Variants in PALLD observed in about 807,000 individuals in gnomAD.
PALLD encodes palladin.
In PALLD, 61 loss-of-function variants were observed where a neutral mutation model predicts 123.5. The ratio of observed to expected loss-of-function variants is 0.49; its 90% CI spans 0.40 to 0.61. The LOEUF is 0.61. PALLD is among the 20% of genes least tolerant of loss of function. The pLI, the probability that PALLD is intolerant of heterozygous loss-of-function variation, is 0.00. For missense variants in PALLD, 1,273 were observed against 1,377.0 expected, an observed-to-expected ratio of 0.92 and a Z score of 1.20; for synonymous variants, 465 against 496.4, an observed-to-expected ratio of 0.94 and a Z score of 0.84.
intron 8 of PALLD, among the ~76,000 whole-genome samples, chr4:168,691,816 G>C (rs1054767404): frequency 2.0e-5 from 3 of 152,096 alleles, no homozygotes; most frequent in Non-Finnish European, 2.9e-5. Flanking sequence ...CTTGCCCCCA[G>C]ATCACTCTTA....
chr4:168,862,499 T>C (rs1417759179), intron 10 of PALLD, among the ~76,000 whole-genome samples: 1 of 152,220 alleles, frequency 6.6e-6, no homozygotes, highest in African/African-American at 2.4e-5. Flanking sequence ...ACAGTCATTG[T>C]GCTTTAATTC....
chr4:168,730,953 A>G (rs1466725850), intron 10 of PALLD, among the ~76,000 whole-genome samples: 1 of 152,130 alleles, frequency 6.6e-6, no homozygotes, highest in Admixed American at 6.5e-5. Flanking sequence ...TCTGTATTCT[A>G]GAGTAGTAGA....
At chr4:168,859,696 T>G (rs1030165934) in intron 10 of PALLD, among the ~76,000 whole-genome samples, 6 of 152,114 alleles carry the variant, frequency 3.9e-5, no homozygotes, top group Non-Finnish European at 8.8e-5. Context: ...GAACCTCTAG[T>G]AGGACAAACA....
chr4:168,632,931 G>A (rs1775978509), intron 2 of PALLD, among the ~76,000 whole-genome samples: 2 of 152,182 alleles, frequency 1.3e-5, no homozygotes, highest in African/African-American at 4.8e-5. Flanking sequence ...TACTGACAAG[G>A]AAAGGGGTGA....
At chr4:168,702,871 T>C (rs1292723748) in intron 8 of PALLD, among the ~76,000 whole-genome samples, 1 of 143,604 alleles carries the variant, frequency 7.0e-6, no homozygotes, top group Non-Finnish European at 1.5e-5. Flanking sequence ...AACTTTGTTT[T>C]TATTTTATTT....
intron 2 of PALLD, among the ~76,000 whole-genome samples, chr4:168,621,281 G>A (rs943876839): frequency 1.3e-5 from 2 of 152,044 alleles, no homozygotes; most frequent in African/African-American, 2.4e-5. Flanking sequence ...ATTATATTAC[G>A]CAAAACTTCT....
intron 2 of PALLD, among the ~76,000 whole-genome samples, chr4:168,657,913 C>T (rs1778740378): frequency 6.6e-6 from 1 of 152,258 alleles, no homozygotes; most frequent in Middle Eastern, 3.4e-3. Context: ...CCACCTCAAA[C>T]CTGCCTATAA....
chr4:168,521,764 GCTTTTGAC>G (rs1763589891), intron 2 of PALLD, among the ~76,000 whole-genome samples: 1 of 152,146 alleles, frequency 6.6e-6, no homozygotes, highest in Non-Finnish European at 1.5e-5. Flanking sequence ...CTTGAAAGTT[GCTTTTGAC>G]TATTTGTTGA....
chr4:168,612,756 C>T (rs923517596), intron 2 of PALLD, among the ~76,000 whole-genome samples: 2 of 152,114 alleles, frequency 1.3e-5, no homozygotes, highest in Non-Finnish European at 2.9e-5. Flanking sequence ...GGGATAGAGT[C>T]GAGGGACTCA....
intron 10 of PALLD, among the ~76,000 whole-genome samples, chr4:168,821,091 A>G (rs548395824): frequency 9.9e-5 from 15 of 152,240 alleles, no homozygotes; most frequent in Non-Finnish European, 1.9e-4. Context: ...CGCAGACATA[A>G]AGATATGCCC....
At chr4:168,913,449 TTAATTAGTATATTACTA>T (rs1466198495) in intron 15 of PALLD, among the ~76,000 whole-genome samples, 1 of 152,066 alleles carries the variant, frequency 6.6e-6, no homozygotes, top group Non-Finnish European at 1.5e-5. Flanking sequence ...CCACTAACAT[TTAATTAGTATATTACTA>T]TAATTAGTAT....
chr4:168,668,392 G>C lies in PALLD; in HGVS notation c.1087+24G>C, dbSNP rs372452764. 1.7e-4 allele frequency: 273 copies of C among 1,566,410 alleles called. 1 individual carries two copies. Among genetic ancestry groups the C allele is most frequent in the Non-Finnish European group, 1.6e-4 (182 of 1,152,774 alleles). On this transcript the variant is annotated intron_variant, in intron 3 of 21. Transcript: ENST00000505667. ...AGGTAAGGAGGGGTGCCTGGTAATG[G>C]GGGATAAAGGGGTGTCAATGGTCTA...
intron 17 of PALLD, among the ~76,000 whole-genome samples, chr4:168,919,515 A>C (rs1760982839): frequency 6.7e-6 from 1 of 150,348 alleles, no homozygotes; most frequent in Non-Finnish European, 1.5e-5. Context: ...AAGGAGCAAG[A>C]CTGTCTTAAA....
chr4:168,720,772 C>T (rs1458316655), intron 10 of PALLD, among the ~76,000 whole-genome samples: 1 of 152,202 alleles, frequency 6.6e-6, no homozygotes, highest in Non-Finnish European at 1.5e-5. Context: ...TTTGCATTAG[C>T]AGTGTTGGTC....
At chr4:168,516,577 CTG>C (rs910590865) in intron 2 of PALLD, among the ~76,000 whole-genome samples, 1 of 151,968 alleles carries the variant, frequency 6.6e-6, no homozygotes, top group Non-Finnish European at 1.5e-5. Flanking sequence ...GGATCAAAAA[CTG>C]TGAAATGATG....
chr4:168,506,381 C>T (rs1229561474), intron 1 of PALLD, among the ~76,000 whole-genome samples: 5 of 151,696 alleles, frequency 3.3e-5, no homozygotes, highest in Non-Finnish European at 7.4e-5. Context: ...CTCTCTCTCT[C>T]CCTTTCTCTC....
intron 17 of PALLD, among the ~76,000 whole-genome samples, chr4:168,920,102 C>G (rs535966224): frequency 6.6e-6 from 1 of 152,262 alleles, no homozygotes; most frequent in African/African-American, 2.4e-5. Flanking sequence ...GTGGGAACAA[C>G]AAGGAGCCTG....
chr4:168,824,086 C>T (rs1743089481), intron 10 of PALLD, among the ~76,000 whole-genome samples: 1 of 152,188 alleles, frequency 6.6e-6, no homozygotes, highest in Non-Finnish European at 1.5e-5. Context: ...TGCATATACC[C>T]ATTGCCAATA....
chr4:168,623,682 G>A (rs779526957), intron 2 of PALLD, among the ~76,000 whole-genome samples: 4 of 152,136 alleles, frequency 2.6e-5, no homozygotes, highest in African/African-American at 7.2e-5. Context: ...CCGGGCAAAC[G>A]GAACTGAAAA....
Sources: allele counts gnomAD v4.1 joint callset (sites outside exome capture counted in the v4.1 genomes callset), GRCh38; gene constraint gnomAD v4.1.1; transcripts MANE v1.5; gene names NCBI Gene and HGNC (gene_info 2026-07-23, HGNC 2026-07-21).